The following DHX35 variants were observed in gnomAD, a reference collection of about 807,000 sequenced individuals.
DHX35 encodes probable ATP-dependent RNA helicase DHX35.
In DHX35, 84 loss-of-function variants were observed where a neutral mutation model predicts 99.6. The observed-to-expected ratio is 0.84, with a 90% CI of 0.71 to 1.01. The LOEUF (loss-of-function observed/expected upper bound fraction) is 1.01, where lower values mean the gene tolerates loss of function less well. Ranked by LOEUF, DHX35 falls within the 50% of genes least tolerant of loss-of-function variation. The pLI, the probability that DHX35 is intolerant of heterozygous loss-of-function variation, is 0.00. For missense variants in DHX35, 852 were observed against 888.5 expected, an observed-to-expected ratio of 0.96 and a Z score of 0.52; for synonymous variants, 331 against 316.2, an observed-to-expected ratio of 1.05 and a Z score of -0.50.
rs561817677 is a variant in DHX35, at chr20:38,994,845, C to T, written c.607C>T (p.Arg203Ter). ...GATTCAGAAAAAGCGAGGGGATCTT[C>T]GATTGATTGTAGCTTCAGCCACTCT... ...KKIQKKRGDL[R>*]LIVASATLDA... Residue 203 changes from arginine to a stop codon, truncating the protein, a stop_gained, in exon 8 of 22, where the codon CGA (arginine) becomes TGA (stop). Coordinates refer to ENST00000252011, the MANE Select transcript of DHX35 (RefSeq NM_021931.4). LOFTEE classifies it high-confidence loss of function. The T allele has an allele frequency of 1.7e-5, 28 of 1,613,618 alleles. No homozygotes were observed. Among genetic ancestry groups the T allele is most frequent in the South Asian group, 5.5e-5 (5 of 91,044 alleles).
chr20:39,003,396 A>T (rs184474339), intron 10 of DHX35, among the ~76,000 whole-genome samples: 1 of 152,368 alleles, frequency 6.6e-6, no homozygotes, highest in East Asian at 1.9e-4. Context: ...GAAAGCTTAC[A>T]GTGATTTTAT....
chr20:38,978,009 TATACTTA>T lies in DHX35; in HGVS notation c.267+5360_267+5366del, dbSNP rs2086109494. 1.4e-5 allele frequency: 10 copies of T among 711,080 alleles called. 1 individual carries two copies. Among genetic ancestry groups the T allele is most frequent in the South Asian group, 1.4e-4 (10 of 72,744 alleles). The allele number at this position is 711,080 out of a possible 1,614,324, so 44.0% of individuals were successfully genotyped here. A position where few individuals can be genotyped will look rare whatever the true frequency, so the allele number is the denominator to read the frequency against. Reference sequence around the variant, plus strand: ...CTCCAGGGGCAGATCACCTTCCAGATATACTTAAGAATTTCACATCTTCTTCCTCTTC... The same window carrying T: ...CTCCAGGGGCAGATCACCTTCCAGATAGAATTTCACATCTTCTTCCTCTTC... On this transcript the variant is annotated intron_variant, in intron 3 of 21. Coordinates refer to ENST00000252011, the MANE Select transcript of DHX35 (RefSeq NM_021931.4).
intron 8 of DHX35, among the ~76,000 whole-genome samples, chr20:38,995,081 A>T (rs567001339): frequency 6.6e-6 from 1 of 152,252 alleles, no homozygotes; most frequent in Non-Finnish European, 1.5e-5. Flanking sequence ...AATTGAGCTC[A>T]TAATTACCTA....
intron 1 of DHX35, among the ~76,000 whole-genome samples, chr20:38,968,739 G>A (rs2076233): frequency 0.16 from 23,770 of 152,066 alleles, 2,021 homozygotes; most frequent in East Asian, 0.29. Flanking sequence ...TTTAGTACAG[G>A]TGGGGTTTCA....
intron 1 of DHX35, chr20:38,962,614 T>C (rs1202873599): frequency 1.7e-6 from 1 of 605,470 alleles, no homozygotes; most frequent in African/African-American, 1.9e-5. Flanking sequence ...GAGCAGAAAC[T>C]CTTTGTGACC....
intron 4 of DHX35, among the ~76,000 whole-genome samples, chr20:38,987,448 C>T (rs980796675): frequency 5.9e-5 from 9 of 151,954 alleles, no homozygotes; most frequent in African/African-American, 1.9e-4. Context: ...TTCACCATGT[C>T]GGCCAGGCTG....
At chr20:38,971,973 C>T (rs1456100803) in intron 2 of DHX35, among the ~76,000 whole-genome samples, 1 of 131,330 alleles carries the variant, frequency 7.6e-6, no homozygotes, top group African/African-American at 2.8e-5. Context: ...AGCAGTATGT[C>T]TATAATTTCT....
At chr20:39,026,105 G>A (rs2086952872) in intron 18 of DHX35, among the ~76,000 whole-genome samples, 1 of 152,172 alleles carries the variant, frequency 6.6e-6, no homozygotes, top group African/African-American at 2.4e-5. Flanking sequence ...AAAGCCTAGT[G>A]TGCCAGGTAC....
chr20:39,019,395 TTTTG>T (rs1023777960), intron 15 of DHX35, among the ~76,000 whole-genome samples: 15 of 152,352 alleles, frequency 9.8e-5, no homozygotes, highest in African/African-American at 3.4e-4. Flanking sequence ...CTATACCATG[TTTTG>T]TTTGTTTATC....
rs931179285 is a variant in DHX35 at position 39,025,128 on chromosome 20, T to A, written c.1672-102T>A. 3 of 1,361,212 alleles carry A rather than the reference T, an allele frequency of 2.2e-6. No homozygotes were observed. The African/African-American group carries it at 4.4e-5, about 20-fold the overall frequency. The allele number at this position is 1,361,212 out of a possible 1,614,324, so 84.3% of individuals were successfully genotyped here. A position where few individuals can be genotyped will look rare whatever the true frequency, so the allele number is the denominator to read the frequency against. On this transcript the variant is annotated intron_variant, in intron 17 of 21. Transcript: ENST00000252011. Reference sequence around the variant, plus strand: ...GTTCCCATCTTTAGATCTTATGCCGTTGAACAGCACATGGGGGAAGAGAGA... The same window carrying A: ...GTTCCCATCTTTAGATCTTATGCCGATGAACAGCACATGGGGGAAGAGAGA...
Position 38,994,881 on chromosome 20 carries a change from G to T in DHX35, c.642+1G>T. On this transcript the variant is annotated splice_donor_variant, in intron 8 of 21. Transcript: ENST00000252011. LOFTEE classifies it high-confidence loss of function. Reference sequence around the variant, plus strand: ...AGCTTCAGCCACTCTGGATGCAGACGTAAGAGCCTTGCCTCCCCTTTCCTC... The same window carrying T: ...AGCTTCAGCCACTCTGGATGCAGACTTAAGAGCCTTGCCTCCCCTTTCCTC... The T allele has an allele frequency of 6.2e-7, 1 of 1,613,482 alleles. No homozygotes were observed. The highest frequency in any genetic ancestry group is 8.5e-7 in the Non-Finnish European group (1 of 1,179,476).
intron 13 of DHX35, among the ~76,000 whole-genome samples, 177 bp from the exon 14 acceptor site, chr20:39,014,703 G>T (rs1271565834): frequency 6.6e-6 from 1 of 152,174 alleles, no homozygotes; most frequent in Non-Finnish European, 1.5e-5. Context: ...CAGTACAAGG[G>T]TGCCTAGAAG....
chr20:38,965,034 C>A (rs749911818), intron 1 of DHX35, among the ~76,000 whole-genome samples: 5 of 152,178 alleles, frequency 3.3e-5, no homozygotes, highest in Non-Finnish European at 7.3e-5. Context: ...TCTGAAAAGT[C>A]CTGATGTGCA....
intron 20 of DHX35, among the ~76,000 whole-genome samples, chr20:39,031,229 C>T (rs912473132): frequency 6.6e-6 from 1 of 152,092 alleles, no homozygotes. Context: ...TTTGTCTACT[C>T]ACTCATCCAC....
intron 14 of DHX35, among the ~76,000 whole-genome samples, chr20:39,015,857 CT>C (rs2086777583): frequency 6.6e-6 from 1 of 152,164 alleles, no homozygotes; most frequent in African/African-American, 2.4e-5. Context: ...CTCTTTCCCC[CT>C]AGTCCCCCAG....
At chr20:38,992,174 G>A (rs1332593850) in intron 6 of DHX35, among the ~76,000 whole-genome samples, 182 bp from the exon 7 acceptor site, 3 of 152,188 alleles carry the variant, frequency 2.0e-5, no homozygotes, top group Non-Finnish European at 2.9e-5. Context: ...ATTCAGGTAT[G>A]TTAATGTCAC....
In DHX35 at chr20:39,039,430, G is replaced by C. The variant is rs899621357; in HGVS notation, c.*887G>C. On this transcript the variant is annotated 3_prime_UTR_variant, in exon 22 of 22. Coordinates refer to ENST00000252011, the MANE Select transcript of DHX35 (RefSeq NM_021931.4). ...GTTCTTGCAAGAGCGCGTGGGGACA[G>C]TTCTTCCAGCAGGCACTGGTTTTGT... 4 of 152,586 alleles carry C rather than the reference G, an allele frequency of 2.6e-5. No homozygotes were observed. Among genetic ancestry groups the C allele is most frequent in the Non-Finnish European group, 2.9e-5 (2 of 68,042 alleles). The allele number at this position is 152,586 out of a possible 1,614,324, so 9.5% of individuals were successfully genotyped here.
chr20:38,989,205 C>G (rs1485128608), intron 5 of DHX35, among the ~76,000 whole-genome samples: 3 of 148,780 alleles, frequency 2.0e-5, no homozygotes, highest in Non-Finnish European at 4.4e-5. Context: ...TCACGCCATT[C>G]TCCTTCCTCA....
At chr20:38,992,544 A>G (rs1337902257) in intron 7 of DHX35, 119 bp downstream of exon 7, 1 of 914,760 alleles carries the variant, frequency 1.1e-6, no homozygotes, top group African/African-American at 1.6e-5. Flanking sequence ...AAAATCATCC[A>G]TAATCCTACC....
Sources: gnomAD v4.1 joint callset for allele counts (sites outside exome capture counted in the v4.1 genomes callset) on GRCh38, gnomAD v4.1.1 for gene constraint, MANE v1.5 for transcripts, NCBI Gene and HGNC (gene_info 2026-07-23, HGNC 2026-07-21) for gene names.